TTLL5: variants seen among roughly 807,000 people sequenced by gnomAD.
TTLL5 encodes tubulin tyrosine ligase like 5, also known as tubulin polyglutamylase TTLL5.
TTLL5 carries 132 observed loss-of-function variants against 168.4 expected under a neutral mutation model. That is an observed-to-expected ratio of 0.78 (90% confidence interval 0.68 to 0.91). The LOEUF (loss-of-function observed/expected upper bound fraction) is 0.91. Among genes scored for constraint, TTLL5 ranks in the 40% least tolerant of loss-of-function variants. The pLI, the probability that TTLL5 is intolerant of heterozygous loss-of-function variation, is 0.00. For synonymous variants in TTLL5, 546 were observed against 558.6 expected, an observed-to-expected ratio of 0.98 and a Z score of 0.32; for missense variants, 1,545 against 1,581.5, an observed-to-expected ratio of 0.98 and a Z score of 0.39.
intron 30 of TTLL5, among the ~76,000 whole-genome samples, chr14:75,893,788 A>G (rs907469986): frequency 1.1e-4 from 16 of 144,162 alleles, no homozygotes; most frequent in Admixed American, 2.9e-4. Flanking sequence ...ACTGCACTCC[A>G]GCGTGGGCAA....
intron 28 of TTLL5, among the ~76,000 whole-genome samples, chr14:75,821,704 C>T (rs774545542): frequency 6.6e-5 from 10 of 152,112 alleles, no homozygotes; most frequent in Non-Finnish European, 1.0e-4. Flanking sequence ...ATGATGAGTT[C>T]GGTTAAGGAT....
At chr14:75,883,209 G>C (rs775949232) in intron 30 of TTLL5, among the ~76,000 whole-genome samples, 32 of 152,230 alleles carry the variant, frequency 2.1e-4, no homozygotes, top group Non-Finnish European at 3.4e-4. Flanking sequence ...TTAGGCATTT[G>C]AAAGGGGAGA....
chr14:75,666,422 C>T (rs564405890), intron 2 of TTLL5, among the ~76,000 whole-genome samples: 2 of 152,324 alleles, frequency 1.3e-5, no homozygotes, highest in Admixed American at 6.5e-5. Flanking sequence ...CCAAATACAA[C>T]TCTGTATGTA....
chr14:75,855,447 G>A (rs897388298), intron 28 of TTLL5, among the ~76,000 whole-genome samples: 1 of 152,192 alleles, frequency 6.6e-6, no homozygotes, highest in African/African-American at 2.4e-5. Flanking sequence ...TTGTTTGTTT[G>A]TTTTCTGTTG....
rs971785200 is a variant in TTLL5 at position 75,720,771 on chromosome 14, G to A, written c.1042+68G>A. The A allele has an allele frequency of 9.3e-6, 12 of 1,290,594 alleles. No homozygotes were observed. In the African/African-American group the frequency reaches 1.6e-4, roughly 17 times the overall value. 79.9% of individuals were successfully genotyped at this position (1,290,594 alleles called of 1,614,324 possible). A position where few individuals can be genotyped will look rare whatever the true frequency, so the allele number is the denominator to read the frequency against. On this transcript the variant is annotated intron_variant, in intron 12 of 31. Coordinates refer to ENST00000298832, the MANE Select transcript of TTLL5 (RefSeq NM_015072.5). ...CTTGGGAAGTTGGACGGGATTTTAG[G>A]GTAGAGAGGCTTAGTGATTCTATAG... is the stretch of plus-strand genomic sequence containing the variant.
chr14:75,790,526 T>C (rs1447587891), intron 26 of TTLL5, among the ~76,000 whole-genome samples: 3 of 151,558 alleles, frequency 2.0e-5, no homozygotes, highest in East Asian at 2.0e-4. Context: ...GGCTGGAGTT[T>C]AGTGGTGCAA....
intron 2 of TTLL5, among the ~76,000 whole-genome samples, chr14:75,666,785 C>T (rs1883293750): frequency 6.6e-6 from 1 of 152,134 alleles, no homozygotes; most frequent in African/African-American, 2.4e-5. Flanking sequence ...TAGGCTGGGT[C>T]CCAGGAGTGA....
chr14:75,739,786 G>C (rs1889136859), intron 15 of TTLL5, among the ~76,000 whole-genome samples: 1 of 152,156 alleles, frequency 6.6e-6, no homozygotes. Flanking sequence ...TGATAAAATG[G>C]AGGTAAAATA....
chr14:75,781,656 TA>T (rs1892056613), intron 24 of TTLL5, among the ~76,000 whole-genome samples: 1 of 152,154 alleles, frequency 6.6e-6, no homozygotes, highest in South Asian at 2.1e-4. Flanking sequence ...CTATCTCCAG[TA>T]AAACTGAAGA....
intron 28 of TTLL5, among the ~76,000 whole-genome samples, chr14:75,856,959 T>C (rs780162219): frequency 6.6e-6 from 1 of 152,206 alleles, no homozygotes; most frequent in Non-Finnish European, 1.5e-5. Flanking sequence ...ATTTTCCAAT[T>C]GTGTATTTCT....
intron 3 of TTLL5, among the ~76,000 whole-genome samples, chr14:75,670,892 G>GT (rs1883687949): frequency 6.6e-6 from 1 of 152,126 alleles, no homozygotes; most frequent in African/African-American, 2.4e-5. Context: ...ATGAGCAAAA[G>GT]TTTTTTGTTT....
intron 9 of TTLL5, chr14:75,709,132 C>T (rs778073995): frequency 2.7e-6 from 2 of 737,650 alleles, no homozygotes; most frequent in Non-Finnish European, 5.0e-6. Flanking sequence ...TGTGAGTGGT[C>T]ACGACAAGCT....
chr14:75,677,671 G>A (rs933642179), intron 3 of TTLL5, among the ~76,000 whole-genome samples: 1 of 151,718 alleles, frequency 6.6e-6, no homozygotes, highest in African/African-American at 2.4e-5. Context: ...GGGCTGGAGT[G>A]CAATGGTGTG....
At chr14:75,735,700 G>A (rs928409298) in intron 15 of TTLL5, among the ~76,000 whole-genome samples, 2 of 152,160 alleles carry the variant, frequency 1.3e-5, no homozygotes, top group African/African-American at 4.8e-5. Context: ...TTCTCTACAA[G>A]TAATTCTCCT....
At chr14:75,933,094 G>A (rs192617028) in intron 31 of TTLL5, among the ~76,000 whole-genome samples, 1 of 152,280 alleles carries the variant, frequency 6.6e-6, no homozygotes, top group East Asian at 1.9e-4. Context: ...TTATTGATAG[G>A]TGAAGTTGTT....
chr14:75,781,679 G>T (rs1369013691), intron 24 of TTLL5, among the ~76,000 whole-genome samples: 1 of 152,218 alleles, frequency 6.6e-6, no homozygotes, highest in Non-Finnish European at 1.5e-5. Context: ...TTTAGGCCGG[G>T]CATGGTGGCT....
intron 6 of TTLL5, among the ~76,000 whole-genome samples, chr14:75,691,632 C>T (rs1291896583): frequency 6.6e-6 from 1 of 152,192 alleles, no homozygotes; most frequent in African/African-American, 2.4e-5. Context: ...AGCGTGCATG[C>T]AATGACCATT....
At chr14:75,914,619 GTTTTTTTTTTT>G (rs10571332) in intron 31 of TTLL5, among the ~76,000 whole-genome samples, 3 of 96,066 alleles carry the variant, frequency 3.1e-5, no homozygotes, top group African/African-American at 1.3e-4. Context: ...CACTACTCTT[GTTTTTTTTTTT>G]TTTTTTTTTT....
intron 27 of TTLL5, among the ~76,000 whole-genome samples, chr14:75,807,555 C>G (rs58172487): frequency 0.02 from 3,090 of 152,318 alleles, 97 homozygotes; most frequent in African/African-American, 0.07. Context: ...TATGCATTAT[C>G]TCTTTAACCC....
Sources: gnomAD v4.1 joint callset for allele counts (sites outside exome capture counted in the v4.1 genomes callset) on GRCh38, gnomAD v4.1.1 for gene constraint, MANE v1.5 for transcripts, NCBI Gene and HGNC (gene_info 2026-07-23, HGNC 2026-07-21) for gene names.